Variants in RHCG observed in about 807,000 individuals in gnomAD.
RHCG encodes the protein Rh family C glycoprotein.
Under a neutral mutation model 55.3 loss-of-function variants are expected in RHCG, and 39 were observed. That is an observed-to-expected ratio of 0.70 (90% CI 0.55 to 0.92). The LOEUF (loss-of-function observed/expected upper bound fraction) is 0.92, where lower values mean the gene tolerates loss of function less well. Among genes scored for constraint, RHCG ranks in the 40% least tolerant of loss-of-function variants. The pLI is 0.00. For synonymous variants in RHCG, 250 were observed against 246.8 expected (o/e 1.01, Z -0.12); for missense variants, 635 against 627.9 (o/e 1.01, Z -0.12).
chr15:89,486,849 C>G lies in RHCG; in HGVS notation c.321G>C (p.Gln107His). 6.2e-7 allele frequency: 1 copy of G among 1,610,806 alleles called. No homozygotes were observed. The highest frequency in any genetic ancestry group is 8.5e-7 in the Non-Finnish European group (1 of 1,177,390). The change falls in exon 2 of 11, where the codon CAG (glutamine) becomes CAC (histidine). Residue 107 changes from glutamine (Q) to histidine (H), a missense_variant. Transcript: ENST00000268122. ...AFGIQWALLM[Q>H]GWFHFLQDRY... ...GGTCTTGTAAGAAGTGGAACCAGCCCTGCATGAGCAGCGCCCACTGGATGC... is the reference window on the plus strand; with the variant it reads ...GGTCTTGTAAGAAGTGGAACCAGCCGTGCATGAGCAGCGCCCACTGGATGC...
chr15:89,487,195 T>A (rs1961391549), intron 1 of RHCG, among the ~76,000 whole-genome samples: 1 of 152,104 alleles, frequency 6.6e-6, no homozygotes. Context: ...GAGCCTCCAG[T>A]TCCTTCATAA....
In RHCG at chr15:89,485,000, C is replaced by T. The variant is rs573523510; in HGVS notation, c.372-1783G>A. ...GGGGGAGGGTCCACATCTCTGGATC[C>T]ACAAGGTCAGGTCTGGGGACAATAT... On this transcript the variant is annotated intron_variant, in intron 2 of 10. Transcript: ENST00000268122. Among the ~76,000 whole-genome samples the T allele has an allele frequency of 1.5e-3, 225 of 152,192 alleles. 1 individual carries two copies. The highest frequency in any genetic ancestry group is 5.2e-3 in the African/African-American group (214 of 41,520).
chr15:89,487,848 C>T (rs2141899448), intron 1 of RHCG, among the ~76,000 whole-genome samples: 1 of 152,344 alleles, frequency 6.6e-6, no homozygotes, highest in African/African-American at 2.4e-5. Flanking sequence ...CAGGCATGGC[C>T]TAATTCTGAG....
intron 2 of RHCG, 29 bp downstream of exon 2, chr15:89,486,770 C>A: frequency 6.4e-7 from 1 of 1,565,388 alleles, no homozygotes; most frequent in Non-Finnish European, 8.7e-7. Flanking sequence ...CCCAGTCCGC[C>A]ACGCCCCCGG....
At chr15:89,487,274 A>G (rs1961393405) in intron 1 of RHCG, among the ~76,000 whole-genome samples, 1 of 152,036 alleles carries the variant, frequency 6.6e-6, no homozygotes, top group African/African-American at 2.4e-5. Context: ...TATTTAAACC[A>G]CTGGGCTGTA....
At chr15:89,488,774 G>C (rs886830835) in intron 1 of RHCG, among the ~76,000 whole-genome samples, 2 of 51,850 alleles carry the variant, frequency 3.9e-5, no homozygotes, top group Admixed American at 2.1e-4. Flanking sequence ...CTGGGAGAAT[G>C]GGGGGGGGGG....
At chr15:89,489,623 C>T (rs1301995125) in intron 1 of RHCG, among the ~76,000 whole-genome samples, 2 of 152,196 alleles carry the variant, frequency 1.3e-5, no homozygotes, top group Non-Finnish European at 2.9e-5. Flanking sequence ...CACATCTTCA[C>T]CTCCCCCGGT....
At chr15:89,480,632 G>T (rs954638570) in intron 3 of RHCG, among the ~76,000 whole-genome samples, 1 of 152,234 alleles carries the variant, frequency 6.6e-6, no homozygotes, top group African/African-American at 2.4e-5. Context: ...AGCAGATTTG[G>T]TTGTTCCCAG....
chr15:89,477,336 T>C lies in RHCG; in HGVS notation c.1113-130A>G. The stretch of plus-strand genomic sequence containing the variant: ...ACCCACAACATGGGGACACCGGACA[T>C]ATCAGTTGGCCTCTAAAACTCTAAG... On this transcript the variant is annotated intron_variant, in intron 7 of 10. Transcript: ENST00000268122. The surrounding 1 kb of genome is among the most constrained non-coding windows in gnomAD (Gnocchi z 4.5). 1 of 1,422,916 alleles carries C rather than the reference T, an allele frequency of 7.0e-7. No homozygotes were observed. Among genetic ancestry groups the C allele is most frequent in the Non-Finnish European group, 9.6e-7 (1 of 1,036,530 alleles). 88.1% of individuals were successfully genotyped at this position (1,422,916 alleles called of 1,614,324 possible).
Position 89,477,007 on chromosome 15 carries a change from G to T in RHCG, c.1237+75C>A. On this transcript the variant is annotated intron_variant, in intron 8 of 10. Transcript: ENST00000268122. This position sits in a 1 kb window ranked among gnomAD's most constrained non-coding sequence, Gnocchi z 4.5. ...CTGGGGGCTCAGGCTGACCTGTGCC[G>T]CATGCCCTTTGCTTCTCCACCCAGG... The T allele has an allele frequency of 4.4e-6, 7 of 1,598,338 alleles. No homozygotes were observed. Among genetic ancestry groups the T allele is most frequent in the Non-Finnish European group, 6.0e-6 (7 of 1,168,308 alleles).
At chr15:89,482,634 G>A (rs1284038253) in intron 3 of RHCG, among the ~76,000 whole-genome samples, 2 of 152,218 alleles carry the variant, frequency 1.3e-5, no homozygotes, top group Non-Finnish European at 2.9e-5. Flanking sequence ...GTGAATGGCA[G>A]CTCTGGTGCT....
intron 5 of RHCG, among the ~76,000 whole-genome samples, chr15:89,479,099 CA>C (rs1308959208): frequency 2.0e-5 from 3 of 151,048 alleles, no homozygotes; most frequent in Non-Finnish European, 4.4e-5. Flanking sequence ...GACTCCATCT[CA>C]AAAAAACAAA....
rs993822041 is a variant in RHCG, at chr15:89,483,202, G to A, written c.387C>T (p.Asp129=). ...VVGVENLINA[D]FCVASVCVAF... ...CCACGCAGACAGAGGCCACGCAGAA[G>A]TCAGCGTTGATGAGGCTGTGGGGAG... The change falls in exon 3 of 11, where the codon GAC becomes GAT. Residue 129 remains aspartate, a synonymous_variant. Transcript: ENST00000268122. The A allele has an allele frequency of 7.6e-6, 12 of 1,579,220 alleles. No individual in the cohort carries two copies. In the Admixed American group the frequency reaches 2.0e-4, roughly 27 times the overall value.
Position 89,476,128 on chromosome 15 carries a change from G to A in RHCG, c.1311+627C>T, listed in dbSNP as rs544616978. On this transcript the variant is annotated intron_variant, in intron 9 of 10. Coordinates refer to ENST00000268122, the MANE Select transcript of RHCG (RefSeq NM_016321.3). ...ATTGCCCAGGCTGGAGTGCAGTGGC[G>A]CCATCATGGCTCACTTTAGCCTCCA... Among the ~76,000 whole-genome samples the A allele has an allele frequency of 9.9e-5, 15 of 151,684 alleles. 1 individual carries two copies. The highest frequency in any genetic ancestry group is 6.8e-3 in the Middle Eastern group (2 of 294).
chr15:89,471,949 A>G (rs564694267), intron 10 of RHCG, 94 bp from the exon 11 acceptor site: 1 of 152,382 alleles, frequency 6.6e-6, no homozygotes, highest in East Asian at 1.9e-4. Flanking sequence ...TGGACATTAA[A>G]GGCAACTGGG....
rs149987558 is a variant in RHCG at position 89,486,131 on chromosome 15, G to A, written c.371+668C>T. 1.7e-3 allele frequency: 671 copies of A among 398,016 alleles called. 3 individuals are homozygous for A. The highest frequency in any genetic ancestry group is 0.013 in the African/African-American group (629 of 48,680). The allele number at this position is 398,016 out of a possible 1,614,324, so 24.7% of individuals were successfully genotyped here. A position where few individuals can be genotyped will look rare whatever the true frequency, so the allele number is the denominator to read the frequency against. On this transcript the variant is annotated intron_variant, in intron 2 of 10. Coordinates refer to ENST00000268122, the MANE Select transcript of RHCG (RefSeq NM_016321.3). Reference sequence around the variant, plus strand: ...AGGATGGAGCTGAGAAGTGACAGTAGGGTGCTCCACCCGTGGAAGCTGAGG... The same window carrying A: ...AGGATGGAGCTGAGAAGTGACAGTAAGGTGCTCCACCCGTGGAAGCTGAGG...
rs1438418862 is a variant in RHCG, at chr15:89,474,900, T to G, written c.1311+1855A>C. ...TTCCTTCCTGCCTGCCTTCCTTCCT[T>G]CCTGCCTGCCTTCCTTCCTGCCTGC... On this transcript the variant is annotated intron_variant, in intron 9 of 10. Coordinates refer to ENST00000268122, the MANE Select transcript of RHCG (RefSeq NM_016321.3). 9.2e-4 allele frequency among the ~76,000 whole-genome samples: 121 copies of G among 131,168 alleles called. 4 individuals carry two copies. Among genetic ancestry groups the G allele is most frequent in the African/African-American group, 3.6e-3 (105 of 29,450 alleles). The allele number at this position is 131,168 out of a possible 152,430, so 86.1% of individuals were successfully genotyped here.
At chr15:89,481,791 T>G (rs1009618732) in intron 3 of RHCG, among the ~76,000 whole-genome samples, 1 of 151,914 alleles carries the variant, frequency 6.6e-6, no homozygotes, top group Non-Finnish European at 1.5e-5. Flanking sequence ...ATTTATTTGT[T>G]TTTTTTTGTT....
At chr15:89,472,675 C>G in intron 10 of RHCG, 36 bp downstream of exon 10, 1 of 1,578,012 alleles carries the variant, frequency 6.3e-7, no homozygotes, top group Non-Finnish European at 8.6e-7. Context: ...ACTGGGAGAA[C>G]CTCCCTGTCA....
Sources: gnomAD v4.1 joint callset for allele counts (sites outside exome capture counted in the v4.1 genomes callset) on GRCh38, gnomAD v4.1.1 for gene constraint, Gnocchi (gnomAD v3.1) non-coding constraint, MANE v1.5 for transcripts, NCBI Gene and HGNC (gene_info 2026-07-23, HGNC 2026-07-21) for gene names.